GPC5: variants seen among roughly 807,000 people sequenced by gnomAD.
GPC5 encodes glypican 5, also known as glypican-5.
GPC5 carries 47 observed loss-of-function variants against 53.9 expected under a neutral mutation model. That is an observed-to-expected ratio of 0.87 (90% CI 0.69 to 1.11). GPC5 has a LOEUF of 1.11. Among genes scored for constraint, GPC5 ranks in the 50% most tolerant of loss-of-function variants. The pLI, the probability that GPC5 is intolerant of heterozygous loss-of-function variation, is 0.00. For synonymous variants in GPC5, 286 were observed against 263.3 expected (o/e 1.09, Z -0.84); for missense variants, 748 against 713.1 (o/e 1.05, Z -0.56).
intron 7 of GPC5, among the ~76,000 whole-genome samples, chr13:92,678,860 A>G (rs1402509870): frequency 6.6e-6 from 1 of 152,210 alleles, no homozygotes; most frequent in Non-Finnish European, 1.5e-5. Flanking sequence ...CTAGAGTTGT[A>G]GTGGAGAGAA....
Position 91,556,943 on chromosome 13 carries a change from C to T in GPC5, c.325+108021C>T, listed in dbSNP as rs145365230. Among the ~76,000 whole-genome samples, 1,442 of 152,068 alleles carry T rather than the reference C, an allele frequency of 9.5e-3. 17 individuals are homozygous for T. Among genetic ancestry groups the T allele is most frequent in the African/African-American group, 0.033 (1,379 of 41,492 alleles). ...AAGAACTTACTCATGTAACCAAACACCACCTGTTCCCCCCAAAACCTGTGG... is the reference window on the plus strand; with the variant it reads ...AAGAACTTACTCATGTAACCAAACATCACCTGTTCCCCCCAAAACCTGTGG... On this transcript the variant is annotated intron_variant, in intron 2 of 7. Transcript: ENST00000377067.
intron 7 of GPC5, among the ~76,000 whole-genome samples, chr13:92,237,014 C>A (rs1265015537): frequency 6.6e-6 from 1 of 151,974 alleles, no homozygotes; most frequent in Non-Finnish European, 1.5e-5. Flanking sequence ...ATTTCCTTTT[C>A]TCTGGTTGCA....
At chr13:92,403,044 A>G (rs1875629621) in intron 7 of GPC5, among the ~76,000 whole-genome samples, 1 of 152,216 alleles carries the variant, frequency 6.6e-6, no homozygotes, top group Non-Finnish European at 1.5e-5. Flanking sequence ...TTTCAAATCA[A>G]TAGACAACTG....
At chr13:92,826,393 T>C (rs962764839) in intron 7 of GPC5, among the ~76,000 whole-genome samples, 1 of 152,110 alleles carries the variant, frequency 6.6e-6, no homozygotes, top group Admixed American at 6.6e-5. Flanking sequence ...CGACATAAGC[T>C]TGGCAAATAA....
chr13:91,933,612 A>G (rs762898205), intron 6 of GPC5, among the ~76,000 whole-genome samples: 1 of 152,088 alleles, frequency 6.6e-6, no homozygotes, highest in South Asian at 2.1e-4. Flanking sequence ...CACACGTCCA[A>G]GTTTTCTCAG....
chr13:91,796,779 C>T (rs2989998), intron 5 of GPC5, among the ~76,000 whole-genome samples: 54,657 of 151,842 alleles, frequency 0.36, 11,153 homozygotes, highest in African/African-American at 0.56. Context: ...TCTTTTGGCT[C>T]TTGTTCAATA....
At position 91,448,910 on chromosome 13, in the gene GPC5, G is replaced by A; in HGVS notation, c.313G>A (p.Ala105Thr). 3 of 1,612,896 alleles carry A rather than the reference G, an allele frequency of 1.9e-6. No homozygotes were observed. Among genetic ancestry groups the A allele is most frequent in the Non-Finnish European group, 2.5e-6 (3 of 1,179,436 alleles). Residue 105 changes from alanine (A) to threonine (T), a missense_variant, in exon 2 of 8, where the codon GCT becomes ACT. Coordinates refer to ENST00000377067, the MANE Select transcript of GPC5 (RefSeq NM_004466.6). The part of the protein sequence containing the change: ...TLKFLISRNA[A>T]AFQETLETLI... ...AAAGTTTCTAATATCTCGAAATGCGGCTGCTTTTCAAGGTAAGTGGATCTT... is the reference window on the plus strand; with the variant it reads ...AAAGTTTCTAATATCTCGAAATGCGACTGCTTTTCAAGGTAAGTGGATCTT...
chr13:92,106,516 A>G (rs571601518), intron 6 of GPC5, among the ~76,000 whole-genome samples: 3 of 152,204 alleles, frequency 2.0e-5, no homozygotes, highest in Non-Finnish European at 4.4e-5. Context: ...AATTTTATAT[A>G]TGAATTGAAT....
chr13:92,800,683 G>A (rs1276089100), intron 7 of GPC5, among the ~76,000 whole-genome samples: 1 of 151,770 alleles, frequency 6.6e-6, no homozygotes, highest in Non-Finnish European at 1.5e-5. Context: ...TTATCTAGAA[G>A]GCTCATTTCA....
At chr13:92,095,574 G>A (rs540732850) in intron 6 of GPC5, among the ~76,000 whole-genome samples, 60 of 151,498 alleles carry the variant, frequency 4.0e-4, no homozygotes, top group African/African-American at 1.3e-3. Context: ...TCCCTCTGTC[G>A]CCCAGGCTGG....
rs181090084 is a variant in GPC5 at position 92,398,012 on chromosome 13, A to C, written c.1561+253023A>C. Among the ~76,000 whole-genome samples the C allele has an allele frequency of 2.0e-3, 301 of 152,324 alleles. 3 individuals carry two copies. The highest frequency in any genetic ancestry group is 5.4e-3 in the African/African-American group (225 of 41,576). ...CAGGGCAGAGTGAGGATCTGAGTGCAGGGGGATAGGAAATCTTAAATTGCA... is the reference window on the plus strand; with the variant it reads ...CAGGGCAGAGTGAGGATCTGAGTGCCGGGGGATAGGAAATCTTAAATTGCA... On this transcript the variant is annotated intron_variant, in intron 7 of 7. Transcript: ENST00000377067.
rs572831293 is a variant in GPC5, at chr13:92,451,389, G to A, written c.1561+306400G>A. 2.7e-5 allele frequency among the ~76,000 whole-genome samples: 4 copies of A among 150,912 alleles called. No homozygotes were observed. The South Asian group carries it at 6.3e-4, about 24-fold the overall frequency. On this transcript the variant is annotated intron_variant, in intron 7 of 7. Transcript: ENST00000377067. Reference sequence around the variant, plus strand: ...ACATCTGTGTAGATTTCTAGCTTGTGGGGGAGACTTGACCTATTTCCTCCA... The same window carrying A: ...ACATCTGTGTAGATTTCTAGCTTGTAGGGGAGACTTGACCTATTTCCTCCA...
intron 7 of GPC5, among the ~76,000 whole-genome samples, chr13:92,684,268 A>AT (rs554839136): frequency 8.1e-5 from 12 of 148,920 alleles, no homozygotes; most frequent in African/African-American, 1.2e-4. Context: ...TTTATTTTTT[A>AT]TTTTTTTTGT....
rs143315819 is a variant in GPC5 at position 92,468,682 on chromosome 13, A to C, written c.1561+323693A>C. 3.5e-3 allele frequency among the ~76,000 whole-genome samples: 530 copies of C among 152,212 alleles called. 2 individuals carry two copies. The highest frequency in any genetic ancestry group is 0.014 in the South Asian group (68 of 4,822). On this transcript the variant is annotated intron_variant, in intron 7 of 7. Coordinates refer to ENST00000377067, the MANE Select transcript of GPC5 (RefSeq NM_004466.6). Reference sequence around the variant, plus strand: ...ACATAGGATTAATGAAACACACACAAACACACACATACAGGCCATGTGTTT... The same window carrying C: ...ACATAGGATTAATGAAACACACACACACACACACATACAGGCCATGTGTTT...
intron 6 of GPC5, among the ~76,000 whole-genome samples, chr13:91,927,480 C>T (rs2039780174): frequency 6.6e-6 from 1 of 151,944 alleles, no homozygotes; most frequent in South Asian, 2.1e-4. Context: ...AATATTGATG[C>T]ATTATATTTA....
At chr13:92,634,906 T>C (rs1473484016) in intron 7 of GPC5, among the ~76,000 whole-genome samples, 3 of 152,158 alleles carry the variant, frequency 2.0e-5, no homozygotes, top group East Asian at 3.9e-4. Context: ...CAGCTCTTTT[T>C]CTTGCCCTGT....
intron 7 of GPC5, among the ~76,000 whole-genome samples, chr13:92,358,724 T>C (rs1360925333): frequency 6.6e-6 from 1 of 151,760 alleles, no homozygotes. Context: ...GCCTGAGACA[T>C]ATCTGAAGTC....
At chr13:92,218,659 T>G (rs1401746299) in intron 7 of GPC5, among the ~76,000 whole-genome samples, 2 of 152,200 alleles carry the variant, frequency 1.3e-5, no homozygotes, top group Admixed American at 1.3e-4. Flanking sequence ...AATTTGGTGC[T>G]GTATGAGAAC....
chr13:92,352,218 TA>T (rs1178191230), intron 7 of GPC5, among the ~76,000 whole-genome samples: 2 of 151,618 alleles, frequency 1.3e-5, no homozygotes, highest in African/African-American at 4.8e-5. Context: ...CTGAAAAACA[TA>T]TGAAAAAAAT....
Sources: allele counts gnomAD v4.1 joint callset (sites outside exome capture counted in the v4.1 genomes callset), GRCh38; gene constraint gnomAD v4.1.1; transcripts MANE v1.5; gene names NCBI Gene and HGNC (gene_info 2026-07-23, HGNC 2026-07-21).